MACROD2: variants seen among roughly 807,000 people sequenced by gnomAD.
MACROD2 encodes mono-ADP ribosylhydrolase 2, also known as ADP-ribose glycohydrolase MACROD2.
A neutral mutation model predicts 70.4 loss-of-function variants in MACROD2; 36 were observed. The observed-to-expected ratio is 0.51, with a 90% CI of 0.39 to 0.68. MACROD2 has a LOEUF of 0.68. Among genes scored for constraint, MACROD2 ranks in the 30% least tolerant of loss-of-function variants. The pLI is 0.00. For synonymous variants in MACROD2, 172 were observed against 178.8 expected, an observed-to-expected ratio of 0.96 and a Z score of 0.30; for missense variants, 496 against 538.4, an observed-to-expected ratio of 0.92 and a Z score of 0.78.
At chr20:15,071,179 A>G (rs1324778086) in intron 5 of MACROD2, among the ~76,000 whole-genome samples, 1 of 152,216 alleles carries the variant, frequency 6.6e-6, no homozygotes, top group Non-Finnish European at 1.5e-5. Flanking sequence ...CCCACAGCTG[A>G]CATGCTTTTA....
intron 5 of MACROD2, among the ~76,000 whole-genome samples, chr20:14,990,253 G>C (rs2074889440): frequency 6.6e-6 from 1 of 152,050 alleles, no homozygotes; most frequent in Non-Finnish European, 1.5e-5. Context: ...ATACACAATA[G>C]ATAAAAAATG....
chr20:14,382,107 G>T (rs2083426522), intron 3 of MACROD2, among the ~76,000 whole-genome samples: 1 of 140,216 alleles, frequency 7.1e-6, no homozygotes, highest in East Asian at 2.1e-4. Flanking sequence ...TGTCGCCCAA[G>T]CTGGAGTGCA....
intron 3 of MACROD2, among the ~76,000 whole-genome samples, chr20:14,311,427 CACTCTCTGGTGTTT>C: frequency 6.6e-6 from 1 of 152,244 alleles, no homozygotes; most frequent in African/African-American, 2.4e-5. Context: ...TGTGTAAGTG[CACTCTCTGGTGTTT>C]ACACAACAAT....
At chr20:16,047,861 G>A (rs910358366) in intron 17 of MACROD2, among the ~76,000 whole-genome samples, 14 of 152,158 alleles carry the variant, frequency 9.2e-5, no homozygotes, top group African/African-American at 2.4e-4. Flanking sequence ...ACCATTCAAC[G>A]TAAGGAGTTG....
chr20:14,242,533 T>G (rs1311910569), intron 3 of MACROD2, among the ~76,000 whole-genome samples: 1 of 152,264 alleles, frequency 6.6e-6, no homozygotes, highest in Non-Finnish European at 1.5e-5. Context: ...CATAAAGAAA[T>G]TCTCACATTG....
chr20:15,230,822 C>T (rs1396175373), intron 6 of MACROD2, among the ~76,000 whole-genome samples: 1 of 152,034 alleles, frequency 6.6e-6, no homozygotes, highest in Non-Finnish European at 1.5e-5. Flanking sequence ...CCAAGAAAAT[C>T]AAACTATAGA....
intron 3 of MACROD2, among the ~76,000 whole-genome samples, chr20:14,306,966 A>G (rs2082525793): frequency 6.6e-6 from 1 of 151,862 alleles, no homozygotes; most frequent in South Asian, 2.1e-4. Flanking sequence ...CAGCTAGAAC[A>G]TAGGTATTCT....
At chr20:15,558,146 C>A (rs1304831996) in intron 8 of MACROD2, among the ~76,000 whole-genome samples, 1 of 152,214 alleles carries the variant, frequency 6.6e-6, no homozygotes, top group Non-Finnish European at 1.5e-5. Flanking sequence ...TTCATTAGAT[C>A]CTGGCCCAAA....
At chr20:14,980,207 CTATCTCATGAATGAA>C (rs2074784395) in intron 5 of MACROD2, among the ~76,000 whole-genome samples, 1 of 152,138 alleles carries the variant, frequency 6.6e-6, no homozygotes, top group Non-Finnish European at 1.5e-5. Flanking sequence ...CATGAGAACT[CTATCTCATGAATGAA>C]TCAATCCATT....
chr20:14,045,258 C>A (rs2053455632), intron 2 of MACROD2, among the ~76,000 whole-genome samples: 1 of 152,252 alleles, frequency 6.6e-6, no homozygotes, highest in Non-Finnish European at 1.5e-5. Flanking sequence ...TGAAGGGCCC[C>A]TCAAGCGCAG....
intron 6 of MACROD2, among the ~76,000 whole-genome samples, chr20:15,397,246 A>G (rs187258435): frequency 6.6e-6 from 1 of 152,178 alleles, no homozygotes; most frequent in Non-Finnish European, 1.5e-5. Context: ...TCTCATGTAT[A>G]CTGTAGATAC....
At chr20:15,860,713 A>G (rs2064413733) in intron 8 of MACROD2, among the ~76,000 whole-genome samples, 1 of 152,134 alleles carries the variant, frequency 6.6e-6, no homozygotes, top group South Asian at 2.1e-4. Context: ...TAAAGGAATA[A>G]AGTATTAGGT....
chr20:15,672,977 T>C (rs1376182651), intron 8 of MACROD2, among the ~76,000 whole-genome samples: 2 of 152,184 alleles, frequency 1.3e-5, no homozygotes, highest in South Asian at 2.1e-4. Flanking sequence ...TTTTTGCCTG[T>C]CACCATGTAA....
intron 4 of MACROD2, among the ~76,000 whole-genome samples, chr20:14,494,268 C>G (rs2084827628): frequency 6.6e-6 from 1 of 152,038 alleles, no homozygotes; most frequent in African/African-American, 2.4e-5. Context: ...CTGTCACTCT[C>G]TTTCTCCCTT....
At chr20:15,509,297 C>A (rs2047468705) in intron 8 of MACROD2, among the ~76,000 whole-genome samples, 1 of 152,118 alleles carries the variant, frequency 6.6e-6, no homozygotes, top group African/African-American at 2.4e-5. Context: ...GTATTTTTCT[C>A]CTTCTTTCCT....
intron 5 of MACROD2, among the ~76,000 whole-genome samples, chr20:14,862,117 AAATATAT>A (rs1459668820): frequency 1.0e-3 from 2 of 1,982 alleles, no homozygotes; most frequent in Non-Finnish European, 1.9e-3. Context: ...ATAAATATAT[AAATATAT>A]AATATATATA....
At chr20:15,083,983 A>G (rs1386636246) in intron 5 of MACROD2, among the ~76,000 whole-genome samples, 2 of 151,956 alleles carry the variant, frequency 1.3e-5, no homozygotes, top group Non-Finnish European at 2.9e-5. Context: ...CAATGTCATT[A>G]TAGGAGGTGC....
intron 5 of MACROD2, among the ~76,000 whole-genome samples, chr20:15,105,370 C>G (rs1055483675): frequency 1.3e-5 from 2 of 152,060 alleles, no homozygotes; most frequent in Admixed American, 1.3e-4. Flanking sequence ...CTGGTTGCAC[C>G]GTTCCTGAAA....
At chr20:15,985,587 C>A (rs1038669156) in intron 13 of MACROD2, among the ~76,000 whole-genome samples, 1 of 152,192 alleles carries the variant, frequency 6.6e-6, no homozygotes, top group Non-Finnish European at 1.5e-5. Flanking sequence ...GCCTGCTATG[C>A]GCTGCTCTGG....
Sources: gnomAD v4.1 joint callset for allele counts (sites outside exome capture counted in the v4.1 genomes callset) on GRCh38, gnomAD v4.1.1 for gene constraint, MANE v1.5 for transcripts, NCBI Gene and HGNC (gene_info 2026-07-23, HGNC 2026-07-21) for gene names.